The following SYDE2 variants were observed in gnomAD, a reference collection of about 807,000 sequenced individuals.
SYDE2 encodes the protein rho GTPase-activating protein SYDE2.
SYDE2 carries 76 observed loss-of-function variants against 91.5 expected under a neutral mutation model. The observed-to-expected ratio is 0.83, with a 90% CI of 0.69 to 1.01. The LOEUF is 1.01. Among genes scored for constraint, SYDE2 ranks in the 50% least tolerant of loss-of-function variants. The pLI, the probability that SYDE2 is intolerant of heterozygous loss-of-function variation, is 0.00. For missense variants in SYDE2, 1,364 were observed against 1,367.7 expected, an observed-to-expected ratio of 1.00 and a Z score of 0.04; for synonymous variants, 513 against 506.4, an observed-to-expected ratio of 1.01 and a Z score of -0.18.
chr1:85,154,552 A>G (rs555911879), downstream of SYDE2, among the ~76,000 whole-genome samples: 285 of 150,084 alleles, frequency 1.9e-3, 2 homozygotes, highest in African/African-American at 6.8e-3. Flanking sequence ...TAACTACTAT[A>G]TTAACAACAC....
At chr1:85,194,745 G>A in intron 1 of SYDE2, 1 of 873,352 alleles carries the variant, frequency 1.1e-6, no homozygotes, top group Non-Finnish European at 1.4e-6. Context: ...AGTCAATTCT[G>A]TTTTCTCAAC....
At chr1:85,161,759 T>C (rs2100643955) in intron 6 of SYDE2, among the ~76,000 whole-genome samples, 1 of 151,072 alleles carries the variant, frequency 6.6e-6, no homozygotes, top group South Asian at 2.1e-4. Flanking sequence ...AAATGTGGTA[T>C]AGCAAGGATC....
chr1:85,172,431 C>T (rs1009110533), intron 4 of SYDE2, among the ~76,000 whole-genome samples: 1 of 151,908 alleles, frequency 6.6e-6, no homozygotes, highest in African/African-American at 2.4e-5. Flanking sequence ...AATACTGATA[C>T]CAAATAATAT....
At chr1:85,154,752 C>T (rs1178545506), downstream of SYDE2, among the ~76,000 whole-genome samples, 1 of 151,650 alleles carries the variant, frequency 6.6e-6, no homozygotes, top group Non-Finnish European at 1.5e-5. Flanking sequence ...TATCCTTGTC[C>T]GAATCTTTCT....
intron 4 of SYDE2, among the ~76,000 whole-genome samples, chr1:85,173,060 C>G (rs976188847): frequency 6.6e-6 from 1 of 152,012 alleles, no homozygotes; most frequent in Non-Finnish European, 1.5e-5. Context: ...CCACCCCCAA[C>G]CAAAAATAAA....
At chr1:85,164,957 G>A (rs577854090) in intron 5 of SYDE2, among the ~76,000 whole-genome samples, 200 bp from the exon 6 acceptor site, 46 of 152,138 alleles carry the variant, frequency 3.0e-4, no homozygotes, top group African/African-American at 1.0e-3. Context: ...TGTTCCAGCC[G>A]GGCACAGTGG....
At chr1:85,166,442 T>C (rs953273509) in intron 5 of SYDE2, among the ~76,000 whole-genome samples, 4 of 152,044 alleles carry the variant, frequency 2.6e-5, no homozygotes, top group Non-Finnish European at 5.9e-5. Context: ...ACATTATTTC[T>C]GGAGCCAAAA....
At chr1:85,163,442 A>AATAT (rs1491322072) in intron 6 of SYDE2, among the ~76,000 whole-genome samples, 39 of 50,746 alleles carry the variant, frequency 7.7e-4, no homozygotes, top group Non-Finnish European at 8.9e-4. Flanking sequence ...CTTGTACTTT[A>AATAT]ATCTATATAT....
chr1:85,160,680 T>A, intron 6 of SYDE2: 1 of 985,420 alleles, frequency 1.0e-6, no homozygotes, highest in South Asian at 4.7e-5. Flanking sequence ...TTTGTGCTAT[T>A]CCTTTTCTTT....
At position 85,200,582 on chromosome 1, in the gene SYDE2, G is replaced by A. The variant is rs1557762887; in HGVS notation, c.415C>T (p.Pro139Ser). 1.3e-6 allele frequency: 2 copies of A among 1,587,846 alleles called. No homozygotes were observed. The highest frequency in any genetic ancestry group is 1.1e-5 in the South Asian group (1 of 89,472). ...CAGCCTGGAGGCTGGAGGCCGGTGG[G>A]TGCAGCCGCCCGGGCGCGGTCCCCA... Reference protein sequence around the residue: ...WSGDRARAAAPTGLQPPGCKD... With the variant: ...WSGDRARAAASTGLQPPGCKD... The change falls in exon 1 of 7, where the codon CCC (proline) becomes TCC (serine). Residue 139 changes from proline to serine, a missense_variant. Physicochemically the swap from Pro to Ser is moderately conservative, Grantham distance 74. Coordinates refer to ENST00000341460, the MANE Select transcript of SYDE2 (RefSeq NM_032184.2).
intron 5 of SYDE2, among the ~76,000 whole-genome samples, chr1:85,167,614 C>CTAATTTTTG (rs906517338): frequency 6.6e-6 from 1 of 152,118 alleles, no homozygotes; most frequent in African/African-American, 2.4e-5. Flanking sequence ...CCATGCCCGG[C>CTAATTTTTG]TAATTTTTGT....
At chr1:85,166,638 A>G (rs1389457557) in intron 5 of SYDE2, among the ~76,000 whole-genome samples, 1 of 152,200 alleles carries the variant, frequency 6.6e-6, no homozygotes, top group Non-Finnish European at 1.5e-5. Flanking sequence ...AGAGAGAATG[A>G]AAACTAGAGA....
downstream of SYDE2, among the ~76,000 whole-genome samples, chr1:85,155,092 C>T (rs930776827): frequency 2.2e-5 from 3 of 137,878 alleles, no homozygotes; most frequent in East Asian, 2.2e-4. Flanking sequence ...AAAGAAAATA[C>T]ATCCCAAGAT....
At position 85,158,798 on chromosome 1, in the gene SYDE2, T is replaced by C. The variant is rs1182801372; in HGVS notation, c.3537A>G (p.Gly1179=). 1 of 764,216 alleles carries C rather than the reference T, an allele frequency of 1.3e-6. No homozygotes were observed. Among genetic ancestry groups the C allele is most frequent in the Non-Finnish European group, 2.4e-6 (1 of 412,728 alleles). The allele number at this position is 764,216 out of a possible 1,614,324, so 47.3% of individuals were successfully genotyped here. ...DLQESIDTLI[G]NLERELNKNK... ...TTTTGTTGAGCTCACGTTCCAGATTTCCAATCAAAGTATCAATACTTTCTT... is the reference window on the plus strand; with the variant it reads ...TTTTGTTGAGCTCACGTTCCAGATTCCCAATCAAAGTATCAATACTTTCTT... Residue 1179 remains glycine (G), a synonymous_variant, in exon 7 of 7, where the codon GGA becomes GGG. Coordinates refer to ENST00000341460, the MANE Select transcript of SYDE2 (RefSeq NM_032184.2).
chr1:85,166,861 T>A (rs963213244), intron 5 of SYDE2, among the ~76,000 whole-genome samples: 5 of 151,960 alleles, frequency 3.3e-5, no homozygotes, highest in African/African-American at 9.7e-5. Context: ...GGAATGCAAA[T>A]TTTTTTTGAC....
intron 6 of SYDE2, chr1:85,160,956 TTA>T: frequency 1.0e-6 from 1 of 980,388 alleles, no homozygotes; most frequent in Non-Finnish European, 1.2e-6. Context: ...AACTGATATT[TTA>T]TATCTTTTAG....
chr1:85,182,766 AG>A lies in SYDE2; in HGVS notation c.1875del (p.Ser626HisfsTer23). ...SCKGGYLSDG[D>X]SPELTTKASK... ...CTAGCTTTAGTTGTAAGTTCAGGTG[AG>A]TCTCCATCACTAAGGTAACCACCTT... On this transcript the variant is annotated frameshift_variant, in exon 3 of 7. Coordinates refer to ENST00000341460, the MANE Select transcript of SYDE2 (RefSeq NM_032184.2). LOFTEE classifies it high-confidence loss of function. The A allele has an allele frequency of 1.2e-6, 2 of 1,613,876 alleles. No individual in the cohort carries two copies. The highest frequency in any genetic ancestry group is 1.7e-6 in the Non-Finnish European group (2 of 1,179,852).
intron 1 of SYDE2, among the ~76,000 whole-genome samples, chr1:85,198,937 C>T (rs1233154739): frequency 1.3e-5 from 2 of 152,054 alleles, no homozygotes; most frequent in African/African-American, 2.4e-5. Context: ...TTCTATTATC[C>T]TTTTGTTCAA....
intron 5 of SYDE2, among the ~76,000 whole-genome samples, chr1:85,166,301 T>C (rs1657273834): frequency 6.6e-6 from 1 of 151,060 alleles, no homozygotes; most frequent in Non-Finnish European, 1.5e-5. Flanking sequence ...ATTGTGCCAC[T>C]GTACTCCAGC....
Sources: gnomAD v4.1 joint callset for allele counts (sites outside exome capture counted in the v4.1 genomes callset) on GRCh38, gnomAD v4.1.1 for gene constraint, MANE v1.5 for transcripts, NCBI Gene and HGNC (gene_info 2026-07-23, HGNC 2026-07-21) for gene names.